Variants in DNAAF4 observed in about 807,000 individuals in gnomAD.
The protein encoded by DNAAF4 is dynein axonemal assembly factor 4.
In DNAAF4, 43 loss-of-function variants were observed where a neutral mutation model predicts 51.8. That is an observed-to-expected ratio of 0.83 (90% CI 0.65 to 1.07). DNAAF4 has a LOEUF of 1.07. Ranked by LOEUF, DNAAF4 falls within the 50% of genes least tolerant of loss-of-function variation. DNAAF4 has a pLI of 0.00. For missense variants in DNAAF4, 581 were observed against 493.0 expected (o/e 1.18, Z -1.69); for synonymous variants, 194 against 165.6 (o/e 1.17, Z -1.32).
intron 7 of DNAAF4, among the ~76,000 whole-genome samples, chr15:55,436,261 T>C (rs1238731131): frequency 6.6e-6 from 1 of 152,186 alleles, no homozygotes; most frequent in East Asian, 1.9e-4. Context: ...CATCTCATAG[T>C]GGTTTTGATA....
chr15:55,422,173 A>AT (rs2057394081), intron 7 of DNAAF4, among the ~76,000 whole-genome samples: 1 of 152,094 alleles, frequency 6.6e-6, no homozygotes, highest in Non-Finnish European at 1.5e-5. Flanking sequence ...GATAAGTGTT[A>AT]CGGGAAAAAA....
At chr15:55,440,618 G>A (rs548660363) in intron 6 of DNAAF4, among the ~76,000 whole-genome samples, 13 of 151,372 alleles carry the variant, frequency 8.6e-5, no homozygotes, top group African/African-American at 2.7e-4. Context: ...TGCCCACCTC[G>A]GCCTCCCAAA....
At chr15:55,500,141 C>A (rs144791174) in intron 1 of DNAAF4, among the ~76,000 whole-genome samples, 1 of 152,000 alleles carries the variant, frequency 6.6e-6, no homozygotes, top group Admixed American at 6.6e-5. Context: ...CTTTTGGAAG[C>A]CTTTCTTTCA....
chr15:55,486,174 T>G (rs375407856), intron 4 of DNAAF4, among the ~76,000 whole-genome samples: 27 of 150,380 alleles, frequency 1.8e-4, no homozygotes, highest in East Asian at 9.7e-4. Flanking sequence ...TTTCTGTTTG[T>G]TTGGTTGGTT....
rs1048736480 is a variant in DNAAF4 at position 55,439,635 on chromosome 15, ATTTCC to A, written c.784-59_784-55del. 207 of 1,478,458 alleles carry A rather than the reference ATTTCC, an allele frequency of 1.4e-4. 2 individuals carry two copies. Among genetic ancestry groups the A allele is most frequent in the Middle Eastern group, 1.2e-3 (7 of 5,656 alleles). 91.6% of individuals were successfully genotyped at this position (1,478,458 alleles called of 1,614,324 possible). ...ATAAAAAGGTCTTTTTTTAATTAAC[ATTTCC>A]TTTTAGATTTTCCATCTTCCTCCAG... On this transcript the variant is annotated intron_variant, in intron 6 of 9. Coordinates refer to ENST00000321149, the MANE Select transcript of DNAAF4 (RefSeq NM_130810.4).
Position 55,430,720 on chromosome 15 carries a change from C to T in DNAAF4, c.1213G>A (p.Asp405Asn). ...ATTACATTCCGAATCTTCTCAGCAT[C>T]AATTTGTACAATTTTGTTGGATGGA... Reference protein sequence around the residue: ...IDPSNKIVQIDAEKIRNVIQG... With the variant: ...IDPSNKIVQINAEKIRNVIQG... Residue 405 changes from aspartate (D) to asparagine (N), a missense_variant, in exon 10 of 10, where the codon GAT (aspartate) becomes AAT (asparagine). Physicochemically the swap from Asp to Asn is conservative, Grantham distance 23 (BLOSUM62 1). Transcript: ENST00000321149. The T allele has an allele frequency of 6.2e-7, 1 of 1,613,406 alleles. No individual in the cohort carries two copies. Among genetic ancestry groups the T allele is most frequent in the Non-Finnish European group, 8.5e-7 (1 of 1,179,630 alleles).
chr15:55,447,793 G>T (rs1414027528), intron 6 of DNAAF4, among the ~76,000 whole-genome samples: 2 of 124,606 alleles, frequency 1.6e-5, no homozygotes, highest in African/African-American at 3.0e-5. Flanking sequence ...AGGGGAGAGG[G>T]GAGAGGGGAG....
At chr15:55,458,410 C>T (rs937524571) in intron 5 of DNAAF4, among the ~76,000 whole-genome samples, 4 of 151,958 alleles carry the variant, frequency 2.6e-5, no homozygotes, top group African/African-American at 9.7e-5. Context: ...AAAGTTTCAA[C>T]AATAGATTTG....
chr15:55,462,987 C>T (rs893196407), intron 5 of DNAAF4, among the ~76,000 whole-genome samples: 1 of 152,190 alleles, frequency 6.6e-6, no homozygotes, highest in Non-Finnish European at 1.5e-5. Flanking sequence ...GCCTGGCCAA[C>T]ATGGCGAAAC....
At chr15:55,445,533 C>T (rs936881692) in intron 6 of DNAAF4, among the ~76,000 whole-genome samples, 3 of 152,094 alleles carry the variant, frequency 2.0e-5, no homozygotes, top group African/African-American at 7.2e-5. Context: ...CATCATGGCC[C>T]GTTCTCGATG....
chr15:55,500,804 C>CGGG (rs2058693037), intron 1 of DNAAF4, among the ~76,000 whole-genome samples: 2 of 151,818 alleles, frequency 1.3e-5, no homozygotes, highest in Admixed American at 1.3e-4. Context: ...ACCAGCCTGA[C>CGGG]GAACATAGAG....
rs1474172797 is a variant in DNAAF4 at position 55,473,206 on chromosome 15, T to A, written c.406-6045A>T. On this transcript the variant is annotated intron_variant, in intron 4 of 9. Transcript: ENST00000321149. ...AAAACCTAAAAAAAAAAAATATATA[T>A]ATATATATATATATATGTGTGTGTG... 5.5e-3 allele frequency among the ~76,000 whole-genome samples: 561 copies of A among 102,424 alleles called. 36 individuals carry two copies. Among genetic ancestry groups the A allele is most frequent in the African/African-American group, 0.017 (513 of 29,714 alleles). The allele number at this position is 102,424 out of a possible 152,430, so 67.2% of individuals were successfully genotyped here. A position where few individuals can be genotyped will look rare whatever the true frequency, so the allele number is the denominator to read the frequency against.
intron 1 of DNAAF4, among the ~76,000 whole-genome samples, chr15:55,500,074 G>C (rs1330090280): frequency 6.6e-6 from 1 of 151,768 alleles, no homozygotes; most frequent in Non-Finnish European, 1.5e-5. Flanking sequence ...CAGAGAAACT[G>C]GGCCTTTGTG....
At chr15:55,502,071 T>C (rs1478544688) in intron 1 of DNAAF4, among the ~76,000 whole-genome samples, 2 of 151,018 alleles carry the variant, frequency 1.3e-5, no homozygotes, top group Non-Finnish European at 2.9e-5. Flanking sequence ...GAAGTGGTGC[T>C]CACCAAAAGG....
intron 7 of DNAAF4, among the ~76,000 whole-genome samples, chr15:55,423,515 G>C (rs555533126): frequency 6.6e-6 from 1 of 152,106 alleles, no homozygotes; most frequent in African/African-American, 2.4e-5. Context: ...AAAGTGTTGG[G>C]ATTATGGGTG....
At chr15:55,474,681 T>C (rs371816395) in intron 4 of DNAAF4, among the ~76,000 whole-genome samples, 17 of 152,100 alleles carry the variant, frequency 1.1e-4, no homozygotes, top group Non-Finnish European at 2.2e-4. Context: ...CTTAGCAAAA[T>C]ATAAGCAAGT....
intron 3 of DNAAF4, among the ~76,000 whole-genome samples, chr15:55,496,132 A>G (rs1242105342): frequency 6.6e-6 from 1 of 152,170 alleles, no homozygotes; most frequent in Non-Finnish European, 1.5e-5. Context: ...TGGGAGGCTG[A>G]GGCTGAAGAA....
At chr15:55,428,023 G>A (rs772519385), downstream of DNAAF4, among the ~76,000 whole-genome samples, 7 of 152,058 alleles carry the variant, frequency 4.6e-5, no homozygotes, top group Non-Finnish European at 7.4e-5. Flanking sequence ...CCCAATCTCC[G>A]CTCACTGCAA....
At chr15:55,467,257 T>A in intron 4 of DNAAF4, 96 bp from the exon 5 acceptor site, 1 of 1,129,882 alleles carries the variant, frequency 8.9e-7, no homozygotes, top group Non-Finnish European at 1.3e-6. Flanking sequence ...TTCATACCTC[T>A]AAACTCTTGC....
Sources: gnomAD v4.1 joint callset for allele counts (sites outside exome capture counted in the v4.1 genomes callset) on GRCh38, gnomAD v4.1.1 for gene constraint, MANE v1.5 for transcripts, NCBI Gene and HGNC (gene_info 2026-07-23, HGNC 2026-07-21) for gene names.